LAMA2: variants seen among roughly 807,000 people sequenced by gnomAD.
The protein encoded by LAMA2 is laminin subunit alpha 2, also known as laminin subunit alpha-2.
A neutral mutation model predicts 364.8 loss-of-function variants in LAMA2; 269 were observed. The ratio of observed to expected loss-of-function variants is 0.74; its 90% CI spans 0.67 to 0.82. LAMA2 has a LOEUF of 0.82. Ranked by LOEUF, LAMA2 falls within the 40% of genes least tolerant of loss-of-function variation. The pLI, the probability that LAMA2 is intolerant of heterozygous loss-of-function variation, is 0.00. For missense variants in LAMA2, 3,807 were observed against 3,873.2 expected (o/e 0.98, Z 0.45); for synonymous variants, 1,379 against 1,370.6 (o/e 1.01, Z -0.14).
chr6:129,507,665 C>T (rs1786210875), intron 62 of LAMA2, 23 bp downstream of exon 62: 2 of 1,611,710 alleles, frequency 1.2e-6, no homozygotes, highest in African/African-American at 1.3e-5. Flanking sequence ...CATTTCCTTC[C>T]TGTTGATTAT....
chr6:129,194,725 A>G (rs1781737629), intron 12 of LAMA2, among the ~76,000 whole-genome samples: 1 of 152,186 alleles, frequency 6.6e-6, no homozygotes, highest in Non-Finnish European at 1.5e-5. Flanking sequence ...GAATGAAACA[A>G]TTTGCCTTAA....
intron 12 of LAMA2, among the ~76,000 whole-genome samples, chr6:129,206,974 C>G (rs17056940): frequency 0.1 from 15,946 of 152,180 alleles, 1,863 homozygotes; most frequent in African/African-American, 0.29. Context: ...ATGGTAATAG[C>G]TTATTATGAT....
intron 62 of LAMA2, among the ~76,000 whole-genome samples, chr6:129,507,931 T>G (rs777979519): frequency 6.6e-6 from 1 of 152,348 alleles, no homozygotes; most frequent in African/African-American, 2.4e-5. Flanking sequence ...AGAACACTCA[T>G]ATGTTTATAC....
At chr6:128,947,021 A>G (rs1357043607) in intron 1 of LAMA2, among the ~76,000 whole-genome samples, 1 of 152,206 alleles carries the variant, frequency 6.6e-6, no homozygotes, top group Non-Finnish European at 1.5e-5. Flanking sequence ...TAGCTTGTTA[A>G]TTGTTTGACA....
intron 1 of LAMA2, among the ~76,000 whole-genome samples, chr6:128,930,848 TG>T (rs1309323953): frequency 9.2e-5 from 14 of 152,204 alleles, no homozygotes; most frequent in African/African-American, 3.1e-4. Context: ...ACCATCACAG[TG>T]TGCATCTCAA....
intron 63 of LAMA2, among the ~76,000 whole-genome samples, chr6:129,513,275 C>T (rs930573940): frequency 2.0e-5 from 3 of 152,104 alleles, no homozygotes; most frequent in African/African-American, 7.2e-5. Flanking sequence ...AAACTGTCCT[C>T]CAACAAAGGT....
intron 12 of LAMA2, among the ~76,000 whole-genome samples, chr6:129,240,766 T>C (rs1785345557): frequency 6.6e-6 from 1 of 152,212 alleles, no homozygotes; most frequent in African/African-American, 2.4e-5. Flanking sequence ...GAAAATGCAT[T>C]TATAACTTAT....
chr6:128,883,427 C>G (rs1254137083), intron 1 of LAMA2, 70 bp downstream of exon 1: 1 of 1,542,644 alleles, frequency 6.5e-7, no homozygotes, highest in African/African-American at 1.4e-5. Context: ...TTCCACTCTT[C>G]CGAGAGTTGC....
At position 129,144,039 on chromosome 6, in the gene LAMA2, C is replaced by T. The variant is rs780568352; in HGVS notation, c.778C>T (p.His260Tyr). The change falls in exon 5 of 65, where the codon CAC becomes TAC. Residue 260 changes from histidine to tyrosine, a missense_variant. Coordinates refer to ENST00000421865, the MANE Select transcript of LAMA2 (RefSeq NM_000426.4). The part of the protein sequence containing the change: ...TLNADLMMFA[H>Y]KDPREIDPIV... The stretch of plus-strand genomic sequence containing the variant: ...GAATGCTGACTTGATGATGTTTGCT[C>T]ACAAAGACCCAAGAGAAATTGACCC... The T allele has an allele frequency of 9.9e-6, 16 of 1,612,546 alleles. No homozygotes were observed. Among genetic ancestry groups the T allele is most frequent in the East Asian group, 2.2e-5 (1 of 44,822 alleles).
chr6:129,266,146 C>A (rs1057410598), intron 15 of LAMA2, among the ~76,000 whole-genome samples: 3 of 152,038 alleles, frequency 2.0e-5, no homozygotes, highest in Non-Finnish European at 4.4e-5. Flanking sequence ...TTGTACTCGA[C>A]CATCCAGAAA....
chr6:129,349,803 A>G (rs1420572242), intron 31 of LAMA2, among the ~76,000 whole-genome samples: 3 of 152,148 alleles, frequency 2.0e-5, no homozygotes, highest in Non-Finnish European at 4.4e-5. Context: ...ATTGTTCTGA[A>G]CACTATGACT....
intron 38 of LAMA2, 27 bp from the exon 39 acceptor site, chr6:129,402,297 T>A: frequency 6.2e-7 from 1 of 1,602,042 alleles, no homozygotes; most frequent in Non-Finnish European, 8.5e-7. Flanking sequence ...TTCACTTGCT[T>A]AAAATGCCCT....
intron 1 of LAMA2, among the ~76,000 whole-genome samples, chr6:128,997,035 C>A (rs548598498): frequency 4.4e-4 from 67 of 151,494 alleles, no homozygotes; most frequent in Non-Finnish European, 7.2e-4. Context: ...AACAGAAAAC[C>A]AAACACTGCA....
intron 5 of LAMA2, among the ~76,000 whole-genome samples, chr6:129,144,541 A>G (rs1263643256): frequency 4.0e-5 from 6 of 151,820 alleles, no homozygotes. Context: ...TATGTCTTAA[A>G]CCTTAATGTG....
chr6:129,415,059 G>A (rs1780712723), intron 40 of LAMA2, among the ~76,000 whole-genome samples: 2 of 152,116 alleles, frequency 1.3e-5, no homozygotes, highest in South Asian at 4.1e-4. Context: ...CTAATATACT[G>A]AGAGCATTAT....
At chr6:129,076,502 TA>T (rs371786008) in intron 3 of LAMA2, among the ~76,000 whole-genome samples, 303 of 11,542 alleles carry the variant, frequency 0.026, 1 homozygote, top group Non-Finnish European at 0.054. Context: ...TATATATAAA[TA>T]TATATATATA....
rs753562327 is a variant in LAMA2, at chr6:129,315,606, A to C, written c.3686A>C (p.His1229Pro). ...AHMDLMREDL[H>P]LEPFYWKLPE... ...ATGGACCTGATGAGAGAAGATCTCC[A>C]TTTGGAACCTTTTTATTGGAAACTT... The change falls in exon 25 of 65, where the codon CAT (histidine) becomes CCT (proline). Residue 1229 changes from histidine to proline, a missense_variant. His to Pro is a moderately conservative substitution (Grantham distance 77). Around this residue, in one of 3 missense-constraint regions of LAMA2, gnomAD observed 3,333 missense variants for 3,345.7 expected, o/e 1.00. Transcript: ENST00000421865. The C allele has an allele frequency of 1.2e-5, 19 of 1,614,088 alleles. No individual in the cohort carries two copies. The South Asian group carries it at 2.1e-4, about 18-fold the overall frequency.
intron 1 of LAMA2, among the ~76,000 whole-genome samples, chr6:128,957,602 AG>A (rs1222612393): frequency 2.0e-5 from 3 of 151,692 alleles, no homozygotes; most frequent in East Asian, 1.9e-4. Context: ...TGCTTTTTTT[AG>A]GGGGGGAAGG....
chr6:128,926,547 G>A lies in LAMA2; in HGVS notation c.112+43190G>A, dbSNP rs147455282. On this transcript the variant is annotated intron_variant, in intron 1 of 64. Coordinates refer to ENST00000421865, the MANE Select transcript of LAMA2 (RefSeq NM_000426.4). Reference sequence around the variant, plus strand: ...CTCTCAAACTGCTGACAGCTCAAGTGTTCTGTCTCTTTGGCAACATATAAA... The same window carrying A: ...CTCTCAAACTGCTGACAGCTCAAGTATTCTGTCTCTTTGGCAACATATAAA... 1.3e-4 allele frequency among the ~76,000 whole-genome samples: 20 copies of A among 152,274 alleles called. No homozygotes were observed. In the East Asian group the frequency reaches 3.5e-3, roughly 26 times the overall value.
Sources: allele counts gnomAD v4.1 joint callset (sites outside exome capture counted in the v4.1 genomes callset), GRCh38; gene constraint gnomAD v4.1.1; regional missense constraint gnomAD v4.1.1; transcripts MANE v1.5; gene names NCBI Gene and HGNC (gene_info 2026-07-23, HGNC 2026-07-21).